Variants in CAMK1D observed in about 807,000 individuals in gnomAD.
CAMK1D encodes the protein calcium/calmodulin-dependent protein kinase type 1D.
In CAMK1D, 9 loss-of-function variants were observed where a neutral mutation model predicts 47.7. The observed-to-expected ratio is 0.19, with a 90% CI of 0.11 to 0.33. The LOEUF (loss-of-function observed/expected upper bound fraction) is 0.33, where lower values mean the gene tolerates loss of function less well. Ranked by LOEUF, CAMK1D falls within the 10% of genes least tolerant of loss-of-function variation. The pLI, the probability that CAMK1D is intolerant of heterozygous loss-of-function variation, is 1.00. For missense variants in CAMK1D, 291 were observed against 488.7 expected, an observed-to-expected ratio of 0.60 and a Z score of 3.81; for synonymous variants, 184 against 184.9, an observed-to-expected ratio of 0.99 and a Z score of 0.04.
At position 12,427,700 on chromosome 10, in the gene CAMK1D, G is replaced by GTTTTTTTTTTTTTTTTTTTTTTTTTT. The variant is rs768000055; in HGVS notation, c.92+77815_92+77816insTTTTTTTTTTTTTTTTTTTTTTTTTT. 4.3e-3 allele frequency among the ~76,000 whole-genome samples: 132 copies of GTTTTTTTTTTTTTTTTTTTTTTTTTT among 31,036 alleles called. 47 individuals carry two copies. The highest frequency in any genetic ancestry group is 5.9e-3 in the East Asian group (6 of 1,010). The allele number at this position is 31,036 out of a possible 152,430, so 20.4% of individuals were successfully genotyped here. On this transcript the variant is annotated intron_variant, in intron 1 of 10. Transcript: ENST00000619168. Reference sequence around the variant, plus strand: ...CTTTCCTGGCTTCACTGAACTTACTGTTTTTTTTTTTTTTTTTTTTTTTTT... The same window carrying GTTTTTTTTTTTTTTTTTTTTTTTTTT: ...CTTTCCTGGCTTCACTGAACTTACTGTTTTTTTTTTTTTTTTTTTTTTTTTTTTTTTTTTTTTTTTTTTTTTTTTTT...
At chr10:12,531,940 A>G (rs1835818342) in intron 1 of CAMK1D, among the ~76,000 whole-genome samples, 1 of 152,212 alleles carries the variant, frequency 6.6e-6, no homozygotes, top group African/African-American at 2.4e-5. Flanking sequence ...AAGATTTATA[A>G]TCTAGGAATC....
At chr10:12,428,367 T>G (rs183348615) in intron 1 of CAMK1D, among the ~76,000 whole-genome samples, 144 of 152,332 alleles carry the variant, frequency 9.5e-4, no homozygotes, top group African/African-American at 3.4e-3. Flanking sequence ...CCCTTGAATA[T>G]AGATAGCTTG....
intron 4 of CAMK1D, among the ~76,000 whole-genome samples, chr10:12,761,457 G>A (rs1836504754): frequency 6.6e-6 from 1 of 152,104 alleles, no homozygotes. Context: ...GCCAATTCCA[G>A]CCCCATTGCA....
intron 2 of CAMK1D, among the ~76,000 whole-genome samples, chr10:12,642,153 C>G (rs961611695): frequency 1.3e-5 from 2 of 152,044 alleles, no homozygotes; most frequent in Non-Finnish European, 1.5e-5. Flanking sequence ...TATTGAATTT[C>G]CAGCAAAAGG....
At chr10:12,771,970 G>C (rs1837060176) in intron 5 of CAMK1D, among the ~76,000 whole-genome samples, 1 of 151,880 alleles carries the variant, frequency 6.6e-6, no homozygotes, top group Non-Finnish European at 1.5e-5. Flanking sequence ...GGGGGCGGAA[G>C]TTGCAGTGGG....
At chr10:12,401,624 G>T (rs1839227268) in intron 1 of CAMK1D, among the ~76,000 whole-genome samples, 1 of 151,606 alleles carries the variant, frequency 6.6e-6, no homozygotes, top group African/African-American at 2.4e-5. Flanking sequence ...TCAGAAGGGG[G>T]CCGTCAGGGT....
At chr10:12,819,464 C>G (rs17152304) in intron 8 of CAMK1D, among the ~76,000 whole-genome samples, 3 of 152,224 alleles carry the variant, frequency 2.0e-5, no homozygotes, top group African/African-American at 7.2e-5. Flanking sequence ...TAAGTCCTGG[C>G]TTCACCACTC....
chr10:12,744,616 G>T (rs928101015), intron 3 of CAMK1D, among the ~76,000 whole-genome samples: 7 of 152,244 alleles, frequency 4.6e-5, no homozygotes, highest in East Asian at 3.9e-4. Flanking sequence ...AAAACTCAGG[G>T]TACAGTGGCT....
chr10:12,789,772 T>C (rs1285948884), intron 5 of CAMK1D, among the ~76,000 whole-genome samples: 1 of 151,164 alleles, frequency 6.6e-6, no homozygotes, highest in Admixed American at 6.6e-5. Context: ...AGTGAATACA[T>C]CATAAAAGAA....
intron 2 of CAMK1D, among the ~76,000 whole-genome samples, chr10:12,615,135 G>A (rs1838743555): frequency 6.6e-6 from 1 of 152,208 alleles, no homozygotes; most frequent in South Asian, 2.1e-4. Context: ...GGGAGTCTCT[G>A]GGACCGGAGG....
intron 5 of CAMK1D, among the ~76,000 whole-genome samples, chr10:12,789,770 C>T (rs1564563678): frequency 6.6e-6 from 1 of 151,338 alleles, no homozygotes; most frequent in Non-Finnish European, 1.5e-5. Context: ...TGAGTGAATA[C>T]ATCATAAAAG....
chr10:12,735,314 A>T (rs1181552140), intron 3 of CAMK1D, among the ~76,000 whole-genome samples: 1 of 152,032 alleles, frequency 6.6e-6, no homozygotes, highest in African/African-American at 2.4e-5. Flanking sequence ...CGTCTCTACT[A>T]AAAATATTAA....
chr10:12,626,440 T>C (rs1160342723), intron 2 of CAMK1D, among the ~76,000 whole-genome samples: 1 of 151,984 alleles, frequency 6.6e-6, no homozygotes, highest in Non-Finnish European at 1.5e-5. Flanking sequence ...ATTCTTTACA[T>C]TGTTTCTTCT....
chr10:12,825,735 C>A, intron 10 of CAMK1D, 45 bp downstream of exon 10: 2 of 1,613,340 alleles, frequency 1.2e-6, no homozygotes, highest in Non-Finnish European at 1.7e-6. Context: ...ACACTGAAGA[C>A]GAGCCTGGGG....
chr10:12,781,588 C>T (rs1230614158), intron 5 of CAMK1D, among the ~76,000 whole-genome samples: 1 of 152,018 alleles, frequency 6.6e-6, no homozygotes, highest in South Asian at 2.1e-4. Context: ...GGGGACTTCT[C>T]ATGCCTGTGG....
intron 1 of CAMK1D, among the ~76,000 whole-genome samples, chr10:12,372,598 C>G (rs965566465): frequency 3.3e-5 from 5 of 152,144 alleles, no homozygotes; most frequent in African/African-American, 1.2e-4. Flanking sequence ...TTCAGGGGTT[C>G]ATAGGGAATG....
At chr10:12,810,306 G>A (rs1408348707) in intron 6 of CAMK1D, among the ~76,000 whole-genome samples, 6 of 125,190 alleles carry the variant, frequency 4.8e-5, no homozygotes, top group Non-Finnish European at 9.5e-5. Flanking sequence ...ATGGAGTCTC[G>A]CTTTGTTGCC....
At chr10:12,544,108 T>C (rs189308567) in intron 1 of CAMK1D, among the ~76,000 whole-genome samples, 1 of 152,336 alleles carries the variant, frequency 6.6e-6, no homozygotes. Flanking sequence ...CTTTGAAATA[T>C]GGGGAAAAGG....
At position 12,458,400 on chromosome 10, in the gene CAMK1D, A is replaced by AT. The variant is rs1833321977; in HGVS notation, c.93-94822dup. On this transcript the variant is annotated intron_variant, in intron 1 of 10. Coordinates refer to ENST00000619168, the MANE Select transcript of CAMK1D (RefSeq NM_153498.4). Reference sequence around the variant, plus strand: ...ACATATTCCTATGTGTTCATCATGCATTTGCAAACAGTATTTTTTTAATTT... The same window carrying AT: ...ACATATTCCTATGTGTTCATCATGCATTTTGCAAACAGTATTTTTTTAATTT... Among the ~76,000 whole-genome samples the AT allele has an allele frequency of 2.6e-5, 4 of 152,192 alleles. No homozygotes were observed. In the South Asian group the frequency reaches 8.3e-4, roughly 32 times the overall value.
Sources: allele counts gnomAD v4.1 joint callset (sites outside exome capture counted in the v4.1 genomes callset), GRCh38; gene constraint gnomAD v4.1.1; transcripts MANE v1.5; gene names NCBI Gene and HGNC (gene_info 2026-07-23, HGNC 2026-07-21).